TGFBI: variants seen among roughly 807,000 people sequenced by gnomAD.
TGFBI encodes transforming growth factor-beta-induced protein ig-h3.
Under a neutral mutation model 73.7 loss-of-function variants are expected in TGFBI, and 50 were observed. The observed-to-expected ratio is 0.68, with a 90% confidence interval of 0.54 to 0.86. The LOEUF (loss-of-function observed/expected upper bound fraction) is 0.86, where lower values mean the gene tolerates loss of function less well. Ranked by LOEUF, TGFBI falls within the 40% of genes least tolerant of loss-of-function variation. TGFBI has a pLI of 0.00. For synonymous variants in TGFBI, 362 were observed against 360.5 expected (o/e 1.00, Z -0.05); for missense variants, 839 against 877.0 (o/e 0.96, Z 0.55).
chr5:136,047,554 C>A, intron 6 of TGFBI, 134 bp downstream of exon 6: 2 of 1,034,926 alleles, frequency 1.9e-6, no homozygotes, highest in South Asian at 1.6e-5. Context: ...CCCCTGAATG[C>A]CCTTGAACAT....
intron 6 of TGFBI, chr5:136,049,221 T>G (rs1751488465): frequency 1.9e-6 from 1 of 529,182 alleles, no homozygotes; most frequent in African/African-American, 1.9e-5. Context: ...AAAGGCAGGT[T>G]AAGGACATGA....
At position 136,060,892 on chromosome 5, in the gene TGFBI, C is replaced by T; in HGVS notation, c.1862C>T (p.Thr621Ile). The change falls in exon 14 of 17, where the codon ACA becomes ATA. Residue 621 changes from threonine to isoleucine, a missense_variant. Transcript: ENST00000442011. ...EPVAEPDIMATNGVVHVITNV... is the reference protein window; with the variant it reads ...EPVAEPDIMAINGVVHVITNV... The stretch of plus-strand genomic sequence containing the variant: ...GTTGCCGAGCCTGACATCATGGCCA[C>T]AAATGGCGTGGTCCATGTCATCACC... 6.2e-7 allele frequency: 1 copy of T among 1,600,430 alleles called. No individual in the cohort carries two copies. The highest frequency in any genetic ancestry group is 2.2e-5 in the East Asian group (1 of 44,614).
At chr5:136,044,180 G>C (rs1297640260) in intron 3 of TGFBI, 58 bp downstream of exon 3, 6 of 1,443,338 alleles carry the variant, frequency 4.2e-6, no homozygotes, top group Non-Finnish European at 5.8e-6. Flanking sequence ...TGGTGGGAGA[G>C]AGGAGTACCC....
intron 13 of TGFBI, among the ~76,000 whole-genome samples, chr5:136,059,971 C>T (rs977682685): frequency 5.3e-5 from 8 of 152,232 alleles, no homozygotes; most frequent in African/African-American, 1.9e-4. Context: ...TCCTGTCTGT[C>T]ACAGGCTTCT....
intron 7 of TGFBI, 176 bp downstream of exon 7, chr5:136,049,756 G>A (rs576141012): frequency 3.0e-6 from 2 of 671,738 alleles, no homozygotes; most frequent in Admixed American, 2.9e-5. Flanking sequence ...GTCTCTAGCA[G>A]CCACACTACT....
At chr5:136,063,133 A>G in intron 16 of TGFBI, 53 bp from the exon 17 acceptor site, 15 of 1,548,398 alleles carry the variant, frequency 9.7e-6, no homozygotes, top group East Asian at 2.2e-5. Context: ...AGTGTCCTAG[A>G]CAGACATGGG....
chr5:136,049,827 A>G, intron 7 of TGFBI: 1 of 447,108 alleles, frequency 2.2e-6, no homozygotes, highest in Non-Finnish European at 4.0e-6. Context: ...GAAGAGAGGC[A>G]TAGCTGGAGA....
chr5:136,049,495 G>A lies in TGFBI; in HGVS notation c.828G>A (p.Thr276=), dbSNP rs781740702. The change falls in exon 7 of 17, where the codon ACG becomes ACA. Residue 276 remains threonine (T), a synonymous_variant. Transcript: ENST00000442011. ...TGCTTGAAGGTAACGGCCAGTACACGCTTTTGGCCCCGACCAATGAGGCCT... is the reference window on the plus strand; with the variant it reads ...TGCTTGAAGGTAACGGCCAGTACACACTTTTGGCCCCGACCAATGAGGCCT... The part of the protein sequence containing the change: ...NTMLEGNGQY[T]LLAPTNEAFE... 6.2e-6 allele frequency: 10 copies of A among 1,613,980 alleles called. No homozygotes were observed. In the South Asian group the frequency reaches 6.6e-5, roughly 11 times the overall value.
chr5:136,053,955 T>G lies in TGFBI; in HGVS notation c.1139T>G (p.Phe380Cys), dbSNP rs749290056. The change falls in exon 9 of 17, where the codon TTT becomes TGT. Residue 380 changes from phenylalanine to cysteine, a missense_variant. Physicochemically the swap from Phe to Cys is radical, Grantham distance 205. Coordinates refer to ENST00000442011, the MANE Select transcript of TGFBI (RefSeq NM_000358.3). ...TCCTTCCTTGTAGCCAAGACACTAT[T>G]TGAATTGGCTGCAGAGTCTGATGTG... Reference protein sequence around the residue: ...LLIPDSAKTLFELAAESDVST... With the variant: ...LLIPDSAKTLCELAAESDVST... The G allele has an allele frequency of 6.2e-7, 1 of 1,613,866 alleles. No individual in the cohort carries two copies. Among genetic ancestry groups the G allele is most frequent in the African/African-American group, 1.3e-5 (1 of 74,950 alleles).
intron 6 of TGFBI, chr5:136,047,800 A>C: frequency 5.3e-6 from 1 of 190,142 alleles, no homozygotes; most frequent in Admixed American, 5.5e-5. Context: ...ACATGTCCCC[A>C]CCCTAGGACC....
rs1751441897 is a variant in TGFBI, at chr5:136,047,021, G to A, written c.624+6G>A. 1 of 1,610,580 alleles carries A rather than the reference G, an allele frequency of 6.2e-7. No individual in the cohort carries two copies. Among genetic ancestry groups the A allele is most frequent in the Middle Eastern group, 1.6e-4 (1 of 6,062 alleles). The stretch of plus-strand genomic sequence containing the variant: ...TCCACCACTATCCTAATGGGGTAGG[G>A]GATCCCCAGCCATACTGCATGGCCC... On this transcript the variant is annotated splice_donor_region_variant and intron_variant, in intron 5 of 16. Coordinates refer to ENST00000442011, the MANE Select transcript of TGFBI (RefSeq NM_000358.3).
chr5:136,033,374 AG>A (rs1178035496), intron 1 of TGFBI, among the ~76,000 whole-genome samples: 2 of 152,294 alleles, frequency 1.3e-5, no homozygotes, highest in East Asian at 3.9e-4. Flanking sequence ...TCGGGTTTAT[AG>A]GATAGACAGT....
intron 2 of TGFBI, among the ~76,000 whole-genome samples, chr5:136,037,598 G>A (rs1223378953): frequency 3.3e-5 from 5 of 152,176 alleles, no homozygotes; most frequent in South Asian, 2.1e-4. Flanking sequence ...AGGAGCTAGC[G>A]GGTATGGGTG....
intron 7 of TGFBI, among the ~76,000 whole-genome samples, chr5:136,050,407 A>T (rs1298241792): frequency 6.6e-6 from 1 of 152,014 alleles, no homozygotes; most frequent in East Asian, 1.9e-4. Flanking sequence ...TGCCCTCCTC[A>T]ATGAGCTGCT....
In TGFBI at chr5:136,059,135, A is replaced by G; in HGVS notation, c.1724A>G (p.Asp575Gly). 1.2e-6 allele frequency: 2 copies of G among 1,611,882 alleles called. No individual in the cohort carries two copies. The highest frequency in any genetic ancestry group is 1.7e-6 in the Non-Finnish European group (2 of 1,179,182). ...AACATCCTGAAATACCACATTGGTGATGAAATCCTGGTTAGCGGAGGCATC... is the reference window on the plus strand; with the variant it reads ...AACATCCTGAAATACCACATTGGTGGTGAAATCCTGGTTAGCGGAGGCATC... ...LANILKYHIG[D>G]EILVSGGIGA... The change falls in exon 13 of 17, where the codon GAT becomes GGT. Residue 575 changes from aspartate (D) to glycine (G), a missense_variant. Asp to Gly is a moderately conservative substitution (Grantham distance 94). Coordinates refer to ENST00000442011, the MANE Select transcript of TGFBI (RefSeq NM_000358.3).
intron 9 of TGFBI, 51 bp downstream of exon 9, chr5:136,054,131 C>A: frequency 6.3e-7 from 1 of 1,590,598 alleles, no homozygotes; most frequent in Non-Finnish European, 8.6e-7. Flanking sequence ...GCAGCTTCCC[C>A]ACCCCTGTCA....
At chr5:136,038,720 C>CAAAA (rs35433510) in intron 2 of TGFBI, among the ~76,000 whole-genome samples, 2 of 140,018 alleles carry the variant, frequency 1.4e-5, no homozygotes, top group African/African-American at 5.3e-5. Context: ...GACTCCATCT[C>CAAAA]AAAAAAAAAA....
At chr5:136,061,360 G>C in intron 14 of TGFBI, 140 bp from the exon 15 acceptor site, 2 of 684,708 alleles carry the variant, frequency 2.9e-6, no homozygotes, top group Non-Finnish European at 5.2e-6. Flanking sequence ...GTTCTACCAT[G>C]AGTTATGAAA....
At chr5:136,034,850 A>G (rs1457802005) in intron 2 of TGFBI, among the ~76,000 whole-genome samples, 1 of 152,208 alleles carries the variant, frequency 6.6e-6, no homozygotes, top group Non-Finnish European at 1.5e-5. Context: ...GTCTCCATAC[A>G]TAATGGGATG....
Sources: allele counts gnomAD v4.1 joint callset (sites outside exome capture counted in the v4.1 genomes callset), GRCh38; gene constraint gnomAD v4.1.1; transcripts MANE v1.5; gene names NCBI Gene and HGNC (gene_info 2026-07-23, HGNC 2026-07-21).